The following CDK18 variants were observed in gnomAD, a reference collection of about 807,000 sequenced individuals.
The protein encoded by CDK18 is cyclin dependent kinase 18, also known as cyclin-dependent kinase 18.
In CDK18, 52 loss-of-function variants were observed where a neutral mutation model predicts 62.0. The observed-to-expected ratio is 0.84, with a 90% CI of 0.67 to 1.06. The LOEUF (loss-of-function observed/expected upper bound fraction) is 1.06, where lower values mean the gene tolerates loss of function less well. Ranked by LOEUF, CDK18 falls within the 50% of genes least tolerant of loss-of-function variation. The pLI, the probability that CDK18 is intolerant of heterozygous loss-of-function variation, is 0.00. For missense variants in CDK18, 604 were observed against 619.9 expected (o/e 0.97, Z 0.27); for synonymous variants, 237 against 247.0 (o/e 0.96, Z 0.38).
chr1:205,507,633 CAAAAA>C (rs56313401), intron 1 of CDK18, among the ~76,000 whole-genome samples: 18,539 of 73,888 alleles, frequency 0.25, 1,474 homozygotes, highest in Middle Eastern at 0.44. Flanking sequence ...GACTCCGTCT[CAAAAA>C]AAAAAAAAAA....
chr1:205,531,719 C>A lies in CDK18; in HGVS notation c.*341C>A, dbSNP rs1189706350. ...ATGCACACGGATGACAGAATCAAGG[C>A]GCCAGGATGGGCACTCTGCCCTGGA... On this transcript the variant is annotated 3_prime_UTR_variant, in exon 16 of 16. Coordinates refer to ENST00000429964, the MANE Select transcript of CDK18 (RefSeq NM_212502.3). 9.1e-6 allele frequency: 3 copies of A among 331,366 alleles called. No individual in the cohort carries two copies. The highest frequency in any genetic ancestry group is 5.9e-5 in the South Asian group (2 of 33,648). The allele number at this position is 331,366 out of a possible 1,614,324, so 20.5% of individuals were successfully genotyped here. A position where few individuals can be genotyped will look rare whatever the true frequency, so the allele number is the denominator to read the frequency against.
At position 205,527,480 on chromosome 1, in the gene CDK18, A is replaced by C; in HGVS notation, c.730-314A>C. On this transcript the variant is annotated intron_variant, in intron 8 of 15. Coordinates refer to ENST00000429964, the MANE Select transcript of CDK18 (RefSeq NM_212502.3). This position sits in a 1 kb window ranked among gnomAD's most constrained non-coding sequence, Gnocchi z 4.1. ...GGTGACAGAGTAAAACCCTGACTCT[A>C]AAAGAAAAAAAAAAAAAAAAGGGAT... 1 of 221,940 alleles carries C rather than the reference A, an allele frequency of 4.5e-6. No individual in the cohort carries two copies. Among genetic ancestry groups the C allele is most frequent in the African/African-American group, 3.1e-5 (1 of 32,080 alleles). 13.7% of individuals were successfully genotyped at this position (221,940 alleles called of 1,614,324 possible). A position where few individuals can be genotyped will look rare whatever the true frequency, so the allele number is the denominator to read the frequency against.
chr1:205,528,747 A>G lies in CDK18; in HGVS notation c.975-252A>G. 1 of 449,736 alleles carries G rather than the reference A, an allele frequency of 2.2e-6. No individual in the cohort carries two copies. The highest frequency in any genetic ancestry group is 3.9e-6 in the Non-Finnish European group (1 of 253,266). 27.9% of individuals were successfully genotyped at this position (449,736 alleles called of 1,614,324 possible). ...CTGGCTGCACAGACCCAAACCTCAC[A>G]GAGTGAAAGGGGACTTTCCTCACAG... On this transcript the variant is annotated intron_variant, in intron 10 of 15. Coordinates refer to ENST00000429964, the MANE Select transcript of CDK18 (RefSeq NM_212502.3). This position sits in a 1 kb window ranked among gnomAD's most constrained non-coding sequence, Gnocchi z 4.2.
Position 205,516,216 on chromosome 1 carries a change from G to A in CDK18, c.-21-6931G>A, listed in dbSNP as rs1667808851. Among the ~76,000 whole-genome samples, 1 of 152,176 alleles carries A rather than the reference G, an allele frequency of 6.6e-6. No homozygotes were observed. Among genetic ancestry groups the A allele is most frequent in the Non-Finnish European group, 1.5e-5 (1 of 68,038 alleles). ...CAGCAGGCACAGTTCTCCCTGGGAG[G>A]AGGGAGTGTCTCTGAGGTCCTAGCT... On this transcript the variant is annotated intron_variant, in intron 1 of 15. Transcript: ENST00000429964. This position sits in a 1 kb window ranked among gnomAD's most constrained non-coding sequence, Gnocchi z 4.8.
intron 3 of CDK18, 90 bp downstream of exon 3, chr1:205,523,715 T>C (rs1388503223): frequency 1.0e-5 from 15 of 1,456,388 alleles, no homozygotes; most frequent in Non-Finnish European, 1.4e-5. Flanking sequence ...AGCCAGACTT[T>C]GTGAGTTCAA....
At position 205,517,597 on chromosome 1, in the gene CDK18, G is replaced by A. The variant is rs971649017; in HGVS notation, c.-21-5550G>A. On this transcript the variant is annotated intron_variant, in intron 1 of 15. Coordinates refer to ENST00000429964, the MANE Select transcript of CDK18 (RefSeq NM_212502.3). This position sits in a 1 kb window ranked among gnomAD's most constrained non-coding sequence, Gnocchi z 4.1. ...CCCAGAATGCCTTGTCTCCTCCAGTGACTGTTCTATCTCTCCACTCCGGCT... is the reference window on the plus strand; with the variant it reads ...CCCAGAATGCCTTGTCTCCTCCAGTAACTGTTCTATCTCTCCACTCCGGCT... Among the ~76,000 whole-genome samples the A allele has an allele frequency of 6.6e-6, 1 of 151,998 alleles. No homozygotes were observed. The highest frequency in any genetic ancestry group is 2.1e-4 in the South Asian group (1 of 4,806).
At chr1:205,523,321 C>T (rs2102304204) in intron 2 of CDK18, 24 bp downstream of exon 2, 7 of 1,613,784 alleles carry the variant, frequency 4.3e-6, no homozygotes, top group Non-Finnish European at 5.9e-6. Context: ...GCCCACCCAG[C>T]ACCTCTCCCA....
intron 13 of CDK18, chr1:205,529,906 C>T (rs1668652434): frequency 7.2e-7 from 1 of 1,381,538 alleles, no homozygotes; most frequent in Admixed American, 2.9e-5. Flanking sequence ...AGTGTGGTGC[C>T]TGTCTTGTAA....
intron 1 of CDK18, among the ~76,000 whole-genome samples, chr1:205,514,994 G>T (rs1667747839): frequency 6.6e-6 from 1 of 152,138 alleles, no homozygotes; most frequent in Non-Finnish European, 1.5e-5. Context: ...CAGGCCAAAT[G>T]ATTGCAAAGC....
At chr1:205,523,662 G>A (rs990292204) in intron 3 of CDK18, 37 bp downstream of exon 3, 2 of 1,551,122 alleles carry the variant, frequency 1.3e-6, no homozygotes, top group South Asian at 1.2e-5. Context: ...GCAGGTGGCA[G>A]GATGCACGCA....
rs1428011881 is a variant in CDK18, at chr1:205,529,408, C to G, written c.1157C>G (p.Pro386Arg). 5.6e-6 allele frequency: 9 copies of G among 1,614,008 alleles called. No individual in the cohort carries two copies. The highest frequency in any genetic ancestry group is 1.1e-5 in the South Asian group (1 of 91,080). ...TYSFPCYLPQ[P>R]LINHAPRLDT... Reference sequence around the variant, plus strand: ...AGCTTCCCCTGCTACCTCCCGCAGCCGCTCATCAACCACGCGCCCAGGTAG... The same window carrying G: ...AGCTTCCCCTGCTACCTCCCGCAGCGGCTCATCAACCACGCGCCCAGGTAG... Residue 386 changes from proline (P) to arginine (R), a missense_variant, in exon 12 of 16, where the codon CCG (proline) becomes CGG (arginine). Coordinates refer to ENST00000429964, the MANE Select transcript of CDK18 (RefSeq NM_212502.3).
In CDK18 at chr1:205,529,110, T is replaced by C. The variant is rs1387334905; in HGVS notation, c.1072+14T>C. ...TTCGCCTCCTCGGTCAGTCTCCCGC[T>C]GCTCCGTCCCTCTCACCACCAGGGG... On this transcript the variant is annotated intron_variant, in intron 11 of 15. Transcript: ENST00000429964. 21 of 1,560,302 alleles carry C rather than the reference T, an allele frequency of 1.3e-5. No individual in the cohort carries two copies. Among genetic ancestry groups the C allele is most frequent in the East Asian group, 7.1e-5 (3 of 42,324 alleles).
At chr1:205,524,096 G>A in intron 3 of CDK18, 136 bp from the exon 4 acceptor site, 2 of 1,018,038 alleles carry the variant, frequency 2.0e-6, no homozygotes, top group Non-Finnish European at 3.0e-6. Flanking sequence ...TGTGAGCCTG[G>A]GGTCACAGCC....
chr1:205,524,745 T>C (rs1004079113), intron 4 of CDK18, among the ~76,000 whole-genome samples: 16 of 152,240 alleles, frequency 1.1e-4, no homozygotes, highest in African/African-American at 3.9e-4. Flanking sequence ...GGAATCCGTC[T>C]TGTTAAGGGT....
chr1:205,510,079 CAAA>C (rs200884428), intron 1 of CDK18, among the ~76,000 whole-genome samples: 1 of 131,878 alleles, frequency 7.6e-6, no homozygotes, highest in Non-Finnish European at 1.7e-5. Context: ...GACTTTGTCT[CAAA>C]AAAAAAAAAA....
rs545787142 is a variant in CDK18 at position 205,518,215 on chromosome 1, A to C, written c.-21-4932A>C. 2.3e-4 allele frequency among the ~76,000 whole-genome samples: 35 copies of C among 152,192 alleles called. 1 individual carries two copies. In the South Asian group the frequency reaches 7.1e-3, roughly 31 times the overall value. On this transcript the variant is annotated intron_variant, in intron 1 of 15. Transcript: ENST00000429964. ...TCCCTGCATGAATTCCCATCATTGC[A>C]CTTGTCACCATCCATCATACTGTGT... is the stretch of plus-strand genomic sequence containing the variant.
chr1:205,530,209 G>A (rs769726996), intron 13 of CDK18, 50 bp from the exon 14 acceptor site: 9 of 1,604,212 alleles, frequency 5.6e-6, no homozygotes, highest in Non-Finnish European at 5.1e-6. Context: ...CTGCCCAGAG[G>A]GTTTGCAGCC....
Position 205,530,611 on chromosome 1 carries a change from G to T in CDK18, c.1313-17G>T. 6.2e-7 allele frequency: 1 copy of T among 1,612,452 alleles called. No homozygotes were observed. Among genetic ancestry groups the T allele is most frequent in the Non-Finnish European group, 8.5e-7 (1 of 1,178,560 alleles). The stretch of plus-strand genomic sequence containing the variant: ...CTCCACGCAGCCCTCTCCAGACTAT[G>T]CACTTCTCTCCCCCAGCTGCCTCCA... On this transcript the variant is annotated splice_polypyrimidine_tract_variant and intron_variant, in intron 14 of 15. Coordinates refer to ENST00000429964, the MANE Select transcript of CDK18 (RefSeq NM_212502.3).
chr1:205,526,596 A>C, intron 7 of CDK18, 135 bp downstream of exon 7: 2 of 939,978 alleles, frequency 2.1e-6, no homozygotes, highest in South Asian at 1.4e-5. Context: ...TCAGATTTTC[A>C]GATGCTCCCG....
Sources: allele counts gnomAD v4.1 joint callset (sites outside exome capture counted in the v4.1 genomes callset), GRCh38; gene constraint gnomAD v4.1.1; non-coding constraint Gnocchi (gnomAD v3.1); transcripts MANE v1.5; gene names NCBI Gene and HGNC (gene_info 2026-07-23, HGNC 2026-07-21).